Variants in ACACA observed in about 807,000 individuals in gnomAD.
The protein encoded by ACACA is acetyl-CoA carboxylase 1.
Under a neutral mutation model 296.1 loss-of-function variants are expected in ACACA, and 103 were observed. The observed-to-expected ratio is 0.35, with a 90% CI of 0.30 to 0.41. The LOEUF is 0.41. Ranked by LOEUF, ACACA falls within the 10% of genes least tolerant of loss-of-function variation. The pLI, the probability that ACACA is intolerant of heterozygous loss-of-function variation, is 1.00. For missense variants in ACACA, 1,554 were observed against 2,989.7 expected (o/e 0.52, Z 11.20); for synonymous variants, 953 against 1,038.6 (o/e 0.92, Z 1.58).
At position 37,202,152 on chromosome 17, in the gene ACACA, T is replaced by C. The variant is rs1268602307; in HGVS notation, c.4057-1669A>G. Among the ~76,000 whole-genome samples, 5 of 152,206 alleles carry C rather than the reference T, an allele frequency of 3.3e-5. No homozygotes were observed. In the East Asian group the frequency reaches 7.7e-4, roughly 23 times the overall value. ...GTGTGGCCAGGAACAGAAATACTTC[T>C]TCTGACATCAACAAAGATTCCACTA... is the stretch of plus-strand genomic sequence containing the variant. On this transcript the variant is annotated intron_variant, in intron 33 of 55. Transcript: ENST00000616317.
At position 37,339,868 on chromosome 17, in the gene ACACA, G is replaced by C. The variant is rs1275268183; in HGVS notation, c.39-18C>G. ...AAAAAGACCTAGAGAGAAAGAGAAAGATTTTAAGGTTTTTTTTTTTAAGAA... is the reference window on the plus strand; with the variant it reads ...AAAAAGACCTAGAGAGAAAGAGAAACATTTTAAGGTTTTTTTTTTTAAGAA... On this transcript the variant is annotated intron_variant, in intron 1 of 55. Coordinates refer to ENST00000616317, the MANE Select transcript of ACACA (RefSeq NM_198834.3). The C allele has an allele frequency of 8.1e-7, 1 of 1,230,208 alleles. No individual in the cohort carries two copies. The highest frequency in any genetic ancestry group is 1.2e-6 in the Non-Finnish European group (1 of 854,968). 76.2% of individuals were successfully genotyped at this position (1,230,208 alleles called of 1,614,324 possible). A position where few individuals can be genotyped will look rare whatever the true frequency, so the allele number is the denominator to read the frequency against.
intron 5 of ACACA, among the ~76,000 whole-genome samples, chr17:37,280,928 G>A (rs2082491793): frequency 6.6e-6 from 1 of 152,036 alleles, no homozygotes; most frequent in African/African-American, 2.4e-5. Context: ...AAAACCACTT[G>A]TGTCATACCT....
chr17:37,119,944 G>A lies in ACACA; in HGVS notation c.6274+1411C>T, dbSNP rs1299344317. The stretch of plus-strand genomic sequence containing the variant: ...GTCTTGCTCTGTCGCCCAGGCTGGA[G>A]TGCAGTGGTGCAATCTCGGCTCACT... On this transcript the variant is annotated intron_variant, in intron 50 of 55. Coordinates refer to ENST00000616317, the MANE Select transcript of ACACA (RefSeq NM_198834.3). Among the ~76,000 whole-genome samples, 3 of 147,496 alleles carry A rather than the reference G, an allele frequency of 2.0e-5. No homozygotes were observed. In the East Asian group the frequency reaches 6.0e-4, roughly 29 times the overall value.
rs1189193698 is a variant in ACACA, at chr17:37,390,304, TTATA to T, written c.38+15954_38+15957del. Among the ~76,000 whole-genome samples the T allele has an allele frequency of 2.0e-3, 36 of 17,976 alleles. 2 individuals carry two copies. Among genetic ancestry groups the T allele is most frequent in the African/African-American group, 7.6e-3 (20 of 2,620 alleles). 11.8% of individuals were successfully genotyped at this position (17,976 alleles called of 152,430 possible). On this transcript the variant is annotated intron_variant, in intron 1 of 55. Coordinates refer to ENST00000616317, the MANE Select transcript of ACACA (RefSeq NM_198834.3). The stretch of plus-strand genomic sequence containing the variant: ...ATATATAATTATATATTATACATAA[TTATA>T]TATATATATATATATATATATATAT...
chr17:37,367,856 T>C (rs1353656379), intron 1 of ACACA: 2 of 152,244 alleles, frequency 1.3e-5, no homozygotes, highest in East Asian at 3.9e-4. Context: ...TCACCTGAGG[T>C]CAGGAGTTCA....
At chr17:37,395,198 G>C (rs1387255928) in intron 1 of ACACA, among the ~76,000 whole-genome samples, 1 of 152,076 alleles carries the variant, frequency 6.6e-6, no homozygotes, top group Non-Finnish European at 1.5e-5. Flanking sequence ...GGGAGGCCAA[G>C]GCAGGTGGAT....
At chr17:37,389,125 T>C in intron 1 of ACACA, 4 of 1,301,090 alleles carry the variant, frequency 3.1e-6, no homozygotes, top group Non-Finnish European at 4.2e-6. Context: ...ATAGGTCCAA[T>C]AGGACTGAAT....
At position 37,406,650 on chromosome 17, in the gene ACACA, C is replaced by G. The variant is rs2051525514; in HGVS notation, c.-351G>C. The G allele has an allele frequency of 4.2e-6, 2 of 479,456 alleles. No individual in the cohort carries two copies. Among genetic ancestry groups the G allele is most frequent in the Admixed American group, 3.4e-5 (1 of 29,462 alleles). The allele number at this position is 479,456 out of a possible 1,614,324, so 29.7% of individuals were successfully genotyped here. On this transcript the variant is annotated 5_prime_UTR_variant, in exon 1 of 56. Transcript: ENST00000616317. ...CCAGGAAGCCTCAGGCAACGGGCCA[C>G]GCGCCACACGGGCAAAGTGATTACT...
chr17:37,347,129 G>A (rs1242072324), intron 1 of ACACA, among the ~76,000 whole-genome samples: 1 of 152,038 alleles, frequency 6.6e-6, no homozygotes, highest in Non-Finnish European at 1.5e-5. Context: ...CCTGGGGGTG[G>A]GTCTTTCCCA....
intron 1 of ACACA, among the ~76,000 whole-genome samples, chr17:37,355,767 A>G (rs2049113023): frequency 6.6e-6 from 1 of 152,094 alleles, no homozygotes; most frequent in Non-Finnish European, 1.5e-5. Flanking sequence ...CTGAGGCAGG[A>G]GAATCGCTTG....
At chr17:37,101,366 T>G (rs2073352470) in intron 52 of ACACA, among the ~76,000 whole-genome samples, 1 of 152,216 alleles carries the variant, frequency 6.6e-6, no homozygotes, top group South Asian at 2.1e-4. Context: ...TAATCAAAGC[T>G]AATATTTATA....
intron 3 of ACACA, 123 bp downstream of exon 3, chr17:37,330,050 G>A: frequency 8.1e-7 from 1 of 1,234,004 alleles, no homozygotes; most frequent in Non-Finnish European, 1.2e-6. Context: ...ACAAAGCTTT[G>A]AGTTCAGTGA....
intron 9 of ACACA, among the ~76,000 whole-genome samples, chr17:37,271,267 G>T (rs1251399609): frequency 6.6e-6 from 1 of 152,232 alleles, no homozygotes; most frequent in Non-Finnish European, 1.5e-5. Context: ...TGTAATCACA[G>T]CACTTTGGGA....
chr17:37,235,186 G>T (rs2080051516), intron 24 of ACACA, 87 bp from the exon 25 acceptor site: 2 of 1,496,064 alleles, frequency 1.3e-6, no homozygotes, highest in Admixed American at 1.7e-5. Context: ...TATAATTTAT[G>T]AGACGAGCAG....
At chr17:37,125,892 T>G (rs1425956297) in intron 47 of ACACA, 98 bp from the exon 48 acceptor site, 2 of 1,106,554 alleles carry the variant, frequency 1.8e-6, no homozygotes, top group African/African-American at 1.6e-5. Flanking sequence ...GGGATTATTT[T>G]GGGGAGTTTG....
chr17:37,213,348 CAAAAAAAAA>C (rs11353673), intron 29 of ACACA, among the ~76,000 whole-genome samples: 1 of 78,616 alleles, frequency 1.3e-5, no homozygotes, highest in South Asian at 4.0e-4. Flanking sequence ...AAGTAAGTCT[CAAAAAAAAA>C]AAAAAAAAAA....
Position 37,275,993 on chromosome 17 carries a change from C to T in ACACA, c.859G>A (p.Ala287Thr), listed in dbSNP as rs866354834. 1 of 1,614,214 alleles carries T rather than the reference C, an allele frequency of 6.2e-7. No homozygotes were observed. The highest frequency in any genetic ancestry group is 8.5e-7 in the Non-Finnish European group (1 of 1,180,026). The change falls in exon 8 of 56, where the codon GCT (alanine) becomes ACT (threonine). Residue 287 changes from alanine to threonine, a missense_variant. Ala to Thr is a moderately conservative substitution (Grantham distance 58, BLOSUM62 0). Around this residue, in one of 16 missense-constraint regions of ACACA, gnomAD observed 47 missense variants for 55.4 expected, o/e 0.85. Coordinates refer to ENST00000616317, the MANE Select transcript of ACACA (RefSeq NM_198834.3). ...AGAGTTGGGATACCTGCAGTTTGAG[C>T]CACTATGGAAGATGCAATCTTATCC... Reference protein sequence around the residue: ...LGDKIASSIVAQTAGIPTLPW... With the variant: ...LGDKIASSIVTQTAGIPTLPW...
chr17:37,380,229 A>C (rs1297786336), intron 1 of ACACA, among the ~76,000 whole-genome samples: 7 of 138,760 alleles, frequency 5.0e-5, no homozygotes, highest in African/African-American at 1.9e-4. Flanking sequence ...GAACAATGAG[A>C]TCACATGGAC....
At chr17:37,352,137 C>T (rs1302209823) in intron 1 of ACACA, among the ~76,000 whole-genome samples, 1 of 150,822 alleles carries the variant, frequency 6.6e-6, no homozygotes, top group East Asian at 2.0e-4. Flanking sequence ...CCAGGATGGT[C>T]TCGATCTCCT....
Sources: allele counts gnomAD v4.1 joint callset (sites outside exome capture counted in the v4.1 genomes callset), GRCh38; gene constraint gnomAD v4.1.1; regional missense constraint gnomAD v4.1.1; transcripts MANE v1.5; gene names NCBI Gene and HGNC (gene_info 2026-07-23, HGNC 2026-07-21).